Variants in SCML4 observed in about 807,000 individuals in gnomAD.
SCML4 encodes the protein Scm polycomb group protein like 4, also known as sex comb on midleg-like protein 4.
A neutral mutation model predicts 41.1 loss-of-function variants in SCML4; 34 were observed. The observed-to-expected ratio is 0.83, with a 90% CI of 0.63 to 1.10. SCML4 has a LOEUF of 1.10. Among genes scored for constraint, SCML4 ranks in the 50% least tolerant of loss-of-function variants. The pLI is 0.00. For missense variants in SCML4, 522 were observed against 534.1 expected (o/e 0.98, Z 0.22); for synonymous variants, 214 against 220.9 (o/e 0.97, Z 0.28).
chr6:107,825,936 C>CAAAAA (rs71015515), upstream of SCML4, among the ~76,000 whole-genome samples: 13 of 62,610 alleles, frequency 2.1e-4, no homozygotes, highest in South Asian at 6.2e-4. Context: ...GACTCCATCT[C>CAAAAA]AAAAAAAAAA....
At chr6:107,708,112 G>T in intron 6 of SCML4, 101 bp from the exon 7 acceptor site, 1 of 1,359,130 alleles carries the variant, frequency 7.4e-7, no homozygotes, top group Non-Finnish European at 9.9e-7. Flanking sequence ...GGGATCCTCA[G>T]TGCCCATGAG....
chr6:107,742,478 C>T lies in SCML4; in HGVS notation c.682+2471G>A, dbSNP rs552809030. ...ACAGATTTTAACAAACAAAACTACCCCAAGGCATATATTATAATCATCAAA... is the reference window on the plus strand; with the variant it reads ...ACAGATTTTAACAAACAAAACTACCTCAAGGCATATATTATAATCATCAAA... On this transcript the variant is annotated intron_variant, in intron 5 of 7. Coordinates refer to ENST00000369020, the MANE Select transcript of SCML4 (RefSeq NM_198081.5). Among the ~76,000 whole-genome samples the T allele has an allele frequency of 4.6e-5, 7 of 152,094 alleles. No individual in the cohort carries two copies. In the South Asian group the frequency reaches 8.3e-4, roughly 18 times the overall value.
chr6:107,707,287 G>A (rs907260427), intron 7 of SCML4, among the ~76,000 whole-genome samples: 14 of 152,266 alleles, frequency 9.2e-5, no homozygotes, highest in South Asian at 2.1e-4. Context: ...CAGCCTGGGC[G>A]ACAGAATGAG....
intron 5 of SCML4, among the ~76,000 whole-genome samples, chr6:107,734,598 A>G (rs1776873804): frequency 6.6e-6 from 1 of 152,232 alleles, no homozygotes; most frequent in Non-Finnish European, 1.5e-5. Flanking sequence ...AAAAGAGATT[A>G]CATTTTTCCC....
chr6:107,832,088 A>G, the SCML4 span, among the ~76,000 whole-genome samples: 1 of 150,106 alleles, frequency 6.7e-6, no homozygotes. Flanking sequence ...AAGAAAGAAA[A>G]ATTAGCCCGG....
the SCML4 span, among the ~76,000 whole-genome samples, chr6:107,829,933 C>T: frequency 6.6e-6 from 1 of 152,078 alleles, no homozygotes; most frequent in South Asian, 2.1e-4. Flanking sequence ...CTTTGTCAGC[C>T]CAGTGGCTAT....
Position 107,705,046 on chromosome 6 carries a change from G to A in SCML4, c.*154C>T. 1 of 771,468 alleles carries A rather than the reference G, an allele frequency of 1.3e-6. No individual in the cohort carries two copies. Among genetic ancestry groups the A allele is most frequent in the Non-Finnish European group, 2.1e-6 (1 of 466,708 alleles). 47.8% of individuals were successfully genotyped at this position (771,468 alleles called of 1,614,324 possible). On this transcript the variant is annotated 3_prime_UTR_variant, in exon 8 of 8. Transcript: ENST00000369020. ...AGGTCCATGTTAAATTCTTCAAAAG[G>A]CAAAGATTCACAAGTTTTATAAAAA... is the stretch of plus-strand genomic sequence containing the variant.
intron 6 of SCML4, among the ~76,000 whole-genome samples, chr6:107,717,160 A>C (rs1229299454): frequency 6.9e-6 from 1 of 145,666 alleles, no homozygotes; most frequent in Non-Finnish European, 1.5e-5. Context: ...AAAAAAAAAA[A>C]AAAAAAAAAA....
intron 5 of SCML4, chr6:107,732,203 C>T (rs1305318900): frequency 6.6e-6 from 1 of 152,320 alleles, no homozygotes; most frequent in Non-Finnish European, 1.5e-5. Context: ...AGTCCCGCCC[C>T]TTGTTCTTGC....
chr6:107,818,138 C>T (rs1382703481), intron 1 of SCML4, among the ~76,000 whole-genome samples: 1 of 152,198 alleles, frequency 6.6e-6, no homozygotes, highest in African/African-American at 2.4e-5. Flanking sequence ...CTATCTACAG[C>T]TTTCCACTTG....
intron 1 of SCML4, among the ~76,000 whole-genome samples, chr6:107,800,138 C>T (rs757691763): frequency 6.6e-6 from 1 of 152,070 alleles, no homozygotes; most frequent in Non-Finnish European, 1.5e-5. Context: ...TATAGGCACA[C>T]ACCACTGCCC....
chr6:107,728,051 A>G (rs180698533), intron 5 of SCML4, among the ~76,000 whole-genome samples: 6 of 152,374 alleles, frequency 3.9e-5, no homozygotes, highest in African/African-American at 1.4e-4. Flanking sequence ...TAAAATTGAT[A>G]TTATAAAGAG....
At chr6:107,740,226 A>G (rs1757175258) in intron 5 of SCML4, 2 of 464,162 alleles carry the variant, frequency 4.3e-6, no homozygotes, top group Non-Finnish European at 8.9e-6. Flanking sequence ...AACAGACACC[A>G]TATACCACAA....
chr6:107,757,594 G>A (rs1015782025), intron 2 of SCML4, among the ~76,000 whole-genome samples: 3 of 152,166 alleles, frequency 2.0e-5, no homozygotes, highest in Non-Finnish European at 4.4e-5. Flanking sequence ...GTGGCCACTC[G>A]CTGATTCTGA....
At chr6:107,776,207 A>T (rs1347544804) in intron 1 of SCML4, among the ~76,000 whole-genome samples, 1 of 152,192 alleles carries the variant, frequency 6.6e-6, no homozygotes, top group East Asian at 1.9e-4. Context: ...ATCATAAAAA[A>T]GATTGAAAAT....
intron 1 of SCML4, among the ~76,000 whole-genome samples, chr6:107,778,196 CAAAAAAAAAAAAA>C (rs1171221403): frequency 5.2e-4 from 4 of 7,756 alleles, no homozygotes; most frequent in Non-Finnish European, 9.4e-4. Context: ...GACTCTATCT[CAAAAAAAAAAAAA>C]AAAAAAAAAA....
intron 6 of SCML4, among the ~76,000 whole-genome samples, chr6:107,712,047 G>A (rs993440460): frequency 6.6e-6 from 1 of 152,070 alleles, no homozygotes; most frequent in African/African-American, 2.4e-5. Flanking sequence ...ATTTTTCTGG[G>A]AATCTGTTAA....
upstream of SCML4, among the ~76,000 whole-genome samples, chr6:107,825,599 A>C (rs1785218026): frequency 2.0e-5 from 3 of 152,208 alleles, no homozygotes; most frequent in South Asian, 6.2e-4. Flanking sequence ...TTTTCATTTC[A>C]TATAAGTTGA....
upstream of SCML4, among the ~76,000 whole-genome samples, chr6:107,825,936 C>CAAAA (rs71015515): frequency 4.6e-4 from 29 of 62,554 alleles, no homozygotes; most frequent in African/African-American, 1.4e-3. Flanking sequence ...GACTCCATCT[C>CAAAA]AAAAAAAAAA....
Sources: gnomAD v4.1 joint callset for allele counts (sites outside exome capture counted in the v4.1 genomes callset) on GRCh38, gnomAD v4.1.1 for gene constraint, MANE v1.5 for transcripts, NCBI Gene and HGNC (gene_info 2026-07-23, HGNC 2026-07-21) for gene names.